The following SCCPDH variants were observed in gnomAD, a reference collection of about 807,000 sequenced individuals.
SCCPDH encodes the protein saccharopine dehydrogenase (putative), also known as saccharopine dehydrogenase-like oxidoreductase.
A neutral mutation model predicts 51.5 loss-of-function variants in SCCPDH; 34 were observed. That is an observed-to-expected ratio of 0.66 (90% CI 0.50 to 0.88). The LOEUF (loss-of-function observed/expected upper bound fraction) is 0.88. Ranked by LOEUF, SCCPDH falls within the 40% of genes least tolerant of loss-of-function variation. SCCPDH has a pLI of 0.00. For missense variants in SCCPDH, 464 were observed against 527.1 expected (o/e 0.88, Z 1.17); for synonymous variants, 187 against 191.3 (o/e 0.98, Z 0.19).
intron 4 of SCCPDH, among the ~76,000 whole-genome samples, chr1:246,741,589 T>A (rs1380348900): frequency 1.3e-5 from 2 of 150,802 alleles, no homozygotes; most frequent in African/African-American, 4.9e-5. Context: ...TGAGCCACCA[T>A]GCGCAGCTCA....
intron 4 of SCCPDH, 79 bp from the exon 5 acceptor site, chr1:246,743,997 C>A: frequency 1.3e-6 from 1 of 795,612 alleles, no homozygotes; most frequent in Non-Finnish European, 2.1e-6. Context: ...TAAGTGAATA[C>A]GCATTGTTTA....
At chr1:246,759,577 A>C (rs1240614623) in intron 7 of SCCPDH, among the ~76,000 whole-genome samples, 1 of 152,208 alleles carries the variant, frequency 6.6e-6, no homozygotes, top group Admixed American at 6.5e-5. Flanking sequence ...TCAGGAGGAA[A>C]TTATATTTCA....
intron 3 of SCCPDH, 75 bp downstream of exon 3, chr1:246,736,130 A>G: frequency 1.0e-6 from 1 of 953,760 alleles, no homozygotes; most frequent in South Asian, 1.4e-5. Context: ...TATTTAGTGT[A>G]ATTTTGCAGA....
In SCCPDH at chr1:246,758,217, T is replaced by C. The variant is rs1668959741; in HGVS notation, c.565-9T>C. 6.4e-7 allele frequency: 1 copy of C among 1,559,182 alleles called. No homozygotes were observed. Among genetic ancestry groups the C allele is most frequent in the South Asian group, 1.2e-5 (1 of 81,372 alleles). ...TCATGTTTCTTTAACTCTTGAAATA[T>C]TTTATTAGGGGTTGAGCATTCATGA... On this transcript the variant is annotated splice_polypyrimidine_tract_variant and intron_variant, in intron 5 of 11. Transcript: ENST00000366510.
At chr1:246,745,514 A>C (rs61852483) in intron 5 of SCCPDH, among the ~76,000 whole-genome samples, 7,831 of 152,292 alleles carry the variant, frequency 0.051, 265 homozygotes, top group African/African-American at 0.077. Flanking sequence ...AGAATGGCGA[A>C]TACATCTAAC....
Position 246,759,031 on chromosome 1 carries a change from C to T in SCCPDH, c.696-3C>T, listed in dbSNP as rs1454528815. 4.7e-6 allele frequency: 7 copies of T among 1,502,294 alleles called. No individual in the cohort carries two copies. Among genetic ancestry groups the T allele is most frequent in the Non-Finnish European group, 5.6e-6 (6 of 1,078,528 alleles). 93.1% of individuals were successfully genotyped at this position (1,502,294 alleles called of 1,614,324 possible). A position where few individuals can be genotyped will look rare whatever the true frequency, so the allele number is the denominator to read the frequency against. Reference sequence around the variant, plus strand: ...GCAAAATATTCATAGGTCTGTCTTGCAGGTGGCCAATTTCTTATTGTCGGG... The same window carrying T: ...GCAAAATATTCATAGGTCTGTCTTGTAGGTGGCCAATTTCTTATTGTCGGG... On this transcript the variant is annotated splice_polypyrimidine_tract_variant and splice_region_variant and intron_variant, in intron 6 of 11. Transcript: ENST00000366510.
chr1:246,757,451 G>T (rs1034623090), intron 5 of SCCPDH, among the ~76,000 whole-genome samples: 1 of 120,466 alleles, frequency 8.3e-6, no homozygotes, highest in Non-Finnish European at 1.8e-5. Context: ...TAGAGGTAAG[G>T]GTTGGGGAAG....
chr1:246,739,102 G>A (rs764150552), intron 3 of SCCPDH, among the ~76,000 whole-genome samples: 3 of 151,860 alleles, frequency 2.0e-5, no homozygotes, highest in African/African-American at 7.3e-5. Context: ...GGTGTGTGTG[G>A]TGTGTGTTTG....
At position 246,739,110 on chromosome 1, in the gene SCCPDH, T is replaced by G. The variant is rs947075042; in HGVS notation, c.385-1062T>G. Among the ~76,000 whole-genome samples the G allele has an allele frequency of 2.0e-5, 3 of 151,884 alleles. 1 individual carries two copies. The South Asian group carries it at 6.2e-4, about 32-fold the overall frequency. ...ATGAATGGGTGTGTGTGGTGTGTGT[T>G]TGTGTCTGGTATGTGCTTGAACAGG... On this transcript the variant is annotated intron_variant, in intron 3 of 11. Transcript: ENST00000366510.
At chr1:246,748,463 A>C (rs1359209739) in intron 5 of SCCPDH, among the ~76,000 whole-genome samples, 1 of 152,144 alleles carries the variant, frequency 6.6e-6, no homozygotes, top group Non-Finnish European at 1.5e-5. Flanking sequence ...TCATAACACA[A>C]ACACCGCCTT....
chr1:246,731,010 A>G (rs543650868), intron 2 of SCCPDH, among the ~76,000 whole-genome samples: 23 of 152,318 alleles, frequency 1.5e-4, no homozygotes, highest in African/African-American at 5.5e-4. Context: ...CAGTGAGCTG[A>G]GATTGCGCCA....
chr1:246,730,641 C>T (rs534176683), intron 2 of SCCPDH, among the ~76,000 whole-genome samples: 20 of 152,318 alleles, frequency 1.3e-4, no homozygotes, highest in Admixed American at 2.6e-4. Context: ...TAACCGTTAA[C>T]GGAACGTCAT....
chr1:246,761,654 T>A (rs1018325120), intron 9 of SCCPDH, among the ~76,000 whole-genome samples: 4 of 152,234 alleles, frequency 2.6e-5, no homozygotes, highest in African/African-American at 9.6e-5. Flanking sequence ...TCAGTCTTTG[T>A]CTTTTTGTGA....
At chr1:246,765,391 C>T (rs917143736) in intron 10 of SCCPDH, among the ~76,000 whole-genome samples, 11 of 152,202 alleles carry the variant, frequency 7.2e-5, no homozygotes, top group Admixed American at 2.0e-4. Flanking sequence ...GCCTGGCCCA[C>T]GGGGGATTTT....
At chr1:246,756,039 A>G (rs1332852582) in intron 5 of SCCPDH, among the ~76,000 whole-genome samples, 1 of 152,204 alleles carries the variant, frequency 6.6e-6, no homozygotes, top group East Asian at 1.9e-4. Context: ...GGCTTTTACA[A>G]AAAGACAAAG....
At chr1:246,750,570 A>G (rs143532075) in intron 5 of SCCPDH, among the ~76,000 whole-genome samples, 1,670 of 152,276 alleles carry the variant, frequency 0.011, 27 homozygotes, top group African/African-American at 0.039. Flanking sequence ...GGAGTATGAT[A>G]TTCCCATGTT....
intron 5 of SCCPDH, among the ~76,000 whole-genome samples, chr1:246,754,548 A>G (rs1372123184): frequency 2.0e-5 from 3 of 152,224 alleles, no homozygotes; most frequent in Non-Finnish European, 4.4e-5. Context: ...CAAGTTAAAG[A>G]AGGAAGGGCT....
At chr1:246,758,955 C>G in intron 6 of SCCPDH, 79 bp from the exon 7 acceptor site, 1 of 855,860 alleles carries the variant, frequency 1.2e-6, no homozygotes. Flanking sequence ...TGCCCTGCCA[C>G]TGATTTGCTT....
chr1:246,726,721 T>G (rs1668405359), intron 1 of SCCPDH, among the ~76,000 whole-genome samples, 171 bp from the exon 2 acceptor site: 1 of 152,238 alleles, frequency 6.6e-6, no homozygotes, highest in Admixed American at 6.5e-5. Flanking sequence ...AATTTTTTCC[T>G]TTTGTATTAC....
Sources: gnomAD v4.1 joint callset for allele counts (sites outside exome capture counted in the v4.1 genomes callset) on GRCh38, gnomAD v4.1.1 for gene constraint, MANE v1.5 for transcripts, NCBI Gene and HGNC (gene_info 2026-07-23, HGNC 2026-07-21) for gene names.